Variants in CECR2 observed in about 807,000 individuals in gnomAD.
CECR2 encodes the protein CECR2 histone acetyl-lysine reader, also known as chromatin remodeling regulator CECR2.
Under a neutral mutation model 154.5 loss-of-function variants are expected in CECR2, and 30 were observed. The observed-to-expected ratio is 0.19, with a 90% CI of 0.15 to 0.26. CECR2 has a LOEUF of 0.26. Ranked by LOEUF, CECR2 falls within the 10% of genes least tolerant of loss-of-function variation. The probability of loss-of-function intolerance (pLI) is 1.00; values close to 1 mark genes in which losing one functional copy is unlikely to be tolerated. For missense variants in CECR2, 1,743 were observed against 1,829.3 expected (o/e 0.95, Z 0.86); for synonymous variants, 725 against 683.7 (o/e 1.06, Z -0.94).
intron 1 of CECR2, among the ~76,000 whole-genome samples, chr22:17,448,466 T>A (rs1177810333): frequency 6.6e-6 from 1 of 152,230 alleles, no homozygotes; most frequent in Non-Finnish European, 1.5e-5. Context: ...TGCCTCCATT[T>A]GTTATGTGAC....
At chr22:17,508,484 G>C (rs2055885605) in intron 7 of CECR2, among the ~76,000 whole-genome samples, 3 of 152,072 alleles carry the variant, frequency 2.0e-5, no homozygotes, top group African/African-American at 7.2e-5. Flanking sequence ...GGGATTGTAA[G>C]TAGTAGGCTA....
At chr22:17,505,767 A>C (rs1267990899) in intron 7 of CECR2, among the ~76,000 whole-genome samples, 2 of 145,284 alleles carry the variant, frequency 1.4e-5, no homozygotes, top group Non-Finnish European at 3.0e-5. Context: ...AGAACTCCTG[A>C]CCTCAAGTGA....
At chr22:17,539,826 A>AT (rs1452371546) in intron 13 of CECR2, among the ~76,000 whole-genome samples, 5 of 151,940 alleles carry the variant, frequency 3.3e-5, no homozygotes, top group South Asian at 2.1e-4. Flanking sequence ...TTTTACTGGC[A>AT]TTTTTTTTCT....
chr22:17,381,581 C>T (rs1409072827), intron 1 of CECR2, among the ~76,000 whole-genome samples: 1 of 152,088 alleles, frequency 6.6e-6, no homozygotes, highest in Admixed American at 6.6e-5. Flanking sequence ...GGGAAAATCT[C>T]AAAACCCAAT....
In CECR2 at chr22:17,540,696, T is replaced by G; in HGVS notation, c.1780T>G (p.Ser594Ala). ...TTCTGGGGACGATCAGAGCAGCAGC[T>G]CCACACAGCCCCCGCGGGAGGTGGG... ...PSSGDDQSSS[S>A]TQPPREVGTS... is the part of the protein sequence containing the mutation. The change falls in exon 14 of 19, where the codon TCC becomes GCC. Residue 594 changes from serine to alanine, a missense_variant. By Grantham distance (99) the Ser-to-Ala change is moderately conservative. Around this residue, in one of 4 missense-constraint regions of CECR2, gnomAD observed 1,250 missense variants for 1,192.1 expected, o/e 1.05. Coordinates refer to ENST00000262608, the MANE Select transcript of CECR2 (RefSeq NM_001290047.2). The G allele has an allele frequency of 6.2e-7, 1 of 1,613,794 alleles. No homozygotes were observed. The highest frequency in any genetic ancestry group is 8.5e-7 in the Non-Finnish European group (1 of 1,179,792).
At chr22:17,483,281 G>A (rs984016477) in intron 2 of CECR2, among the ~76,000 whole-genome samples, 1 of 152,094 alleles carries the variant, frequency 6.6e-6, no homozygotes, top group African/African-American at 2.4e-5. Flanking sequence ...AAAGAAGGCC[G>A]CCACACAGTG....
At chr22:17,444,542 G>A (rs1359624974) in intron 1 of CECR2, among the ~76,000 whole-genome samples, 5 of 151,956 alleles carry the variant, frequency 3.3e-5, no homozygotes, top group South Asian at 2.1e-4. Context: ...CACGAGAATC[G>A]CTTGAACCCG....
intron 9 of CECR2, among the ~76,000 whole-genome samples, chr22:17,532,960 A>T (rs2056381123): frequency 6.6e-6 from 1 of 151,308 alleles, no homozygotes; most frequent in African/African-American, 2.4e-5. Flanking sequence ...ACCTCAGGTG[A>T]TCCACTGCGC....
intron 1 of CECR2, chr22:17,419,454 T>C: frequency 1.0e-5 from 2 of 195,610 alleles, no homozygotes; most frequent in Non-Finnish European, 1.1e-5. Context: ...GTGATGAGGA[T>C]CCCCCACGCC....
chr22:17,458,615 A>G (rs1224123457), intron 1 of CECR2, among the ~76,000 whole-genome samples: 2 of 152,142 alleles, frequency 1.3e-5, no homozygotes, highest in African/African-American at 2.4e-5. Context: ...TATATAACCT[A>G]TAATTATTTC....
Position 17,369,535 on chromosome 22 carries a change from C to A in CECR2, c.-249C>A, listed in dbSNP as rs1391300211. 1.6e-4 allele frequency: 24 copies of A among 148,674 alleles called. No homozygotes were observed. Among genetic ancestry groups the A allele is most frequent in the Middle Eastern group, 3.5e-3 (1 of 286 alleles). The allele number at this position is 148,674 out of a possible 1,614,324, so 9.2% of individuals were successfully genotyped here. A position where few individuals can be genotyped will look rare whatever the true frequency, so the allele number is the denominator to read the frequency against. On this transcript the variant is annotated 5_prime_UTR_variant, in exon 1 of 19. Coordinates refer to ENST00000262608, the MANE Select transcript of CECR2 (RefSeq NM_001290047.2). ...CCGCCGCCGCAGCCGCGGGATGGGG[C>A]GAGCGCGCGGACCCCGCGGGCAGCC...
intron 1 of CECR2, among the ~76,000 whole-genome samples, chr22:17,372,718 G>T (rs891001663): frequency 1.3e-5 from 2 of 152,096 alleles, no homozygotes; most frequent in Admixed American, 6.6e-5. Flanking sequence ...ATGCCGAGCC[G>T]TACCTGTTAG....
At position 17,542,486 on chromosome 22, in the gene CECR2, G is replaced by A. The variant is rs750116333; in HGVS notation, c.2343G>A (p.Thr781=). 9 of 1,613,818 alleles carry A rather than the reference G, an allele frequency of 5.6e-6. No homozygotes were observed. The highest frequency in any genetic ancestry group is 3.3e-5 in the Admixed American group (2 of 59,994). The stretch of plus-strand genomic sequence containing the variant: ...TCTGGAATGGGAACCATGGTGCTAC[G>A]AACCAAGGACCCTTGGGCCCAGATG... ...SAVWNGNHGA[T]NQGPLGPDEK... The change falls in exon 16 of 19, where the codon ACG becomes ACA. Residue 781 remains threonine (T), a synonymous_variant. Coordinates refer to ENST00000262608, the MANE Select transcript of CECR2 (RefSeq NM_001290047.2).
intron 1 of CECR2, among the ~76,000 whole-genome samples, chr22:17,438,758 T>A (rs1209534479): frequency 6.6e-6 from 1 of 152,158 alleles, no homozygotes; most frequent in African/African-American, 2.4e-5. Flanking sequence ...ATAAGGTATG[T>A]CATTATTGGG....
intron 1 of CECR2, among the ~76,000 whole-genome samples, chr22:17,447,033 C>CTGTTTTTGTTTTT (rs1339121774): frequency 8.8e-6 from 1 of 114,110 alleles, no homozygotes; most frequent in South Asian, 3.1e-4. Context: ...CGTTTACAAT[C>CTGTTTTTGTTTTT]TTTTTTTTTT....
At chr22:17,525,587 C>G (rs2056250806) in intron 9 of CECR2, among the ~76,000 whole-genome samples, 2 of 152,140 alleles carry the variant, frequency 1.3e-5, no homozygotes, top group South Asian at 4.1e-4. Flanking sequence ...GCCTGGGCGA[C>G]AGAGCAAGAC....
intron 2 of CECR2, among the ~76,000 whole-genome samples, chr22:17,480,811 G>C (rs112312082): frequency 0.23 from 34,804 of 151,612 alleles, 4,661 homozygotes; most frequent in Non-Finnish European, 0.31. Context: ...AGGCCGAGAC[G>C]GGCAGATCAC....
chr22:17,542,533 G>A lies in CECR2; in HGVS notation c.2390G>A (p.Gly797Glu). Residue 797 changes from glycine to glutamate, a missense_variant, in exon 16 of 19, where the codon GGA becomes GAA. Coordinates refer to ENST00000262608, the MANE Select transcript of CECR2 (RefSeq NM_001290047.2). ...GATGAGAAGCCCCACCTGGGGCCAG[G>A]ACCCTCTCACCAGCCTCGCACTCTC... ...GPDEKPHLGP[G>E]PSHQPRTLGH... is the part of the protein sequence containing the mutation. 6.2e-7 allele frequency: 1 copy of A among 1,613,998 alleles called. No homozygotes were observed.
chr22:17,539,939 T>C (rs908581487), intron 13 of CECR2, among the ~76,000 whole-genome samples: 1 of 152,138 alleles, frequency 6.6e-6, no homozygotes, highest in African/African-American at 2.4e-5. Flanking sequence ...GCTCAAGGGA[T>C]CCTCCTCCCT....
Sources: allele counts gnomAD v4.1 joint callset (sites outside exome capture counted in the v4.1 genomes callset), GRCh38; gene constraint gnomAD v4.1.1; regional missense constraint gnomAD v4.1.1; transcripts MANE v1.5; gene names NCBI Gene and HGNC (gene_info 2026-07-23, HGNC 2026-07-21).